The following OR2L13 variants were observed in gnomAD, a reference collection of about 807,000 sequenced individuals.
OR2L13 encodes olfactory receptor 2L13.
OR2L13 carries 14 observed loss-of-function variants against 15.3 expected under a neutral mutation model. That is an observed-to-expected ratio of 0.91 (90% CI 0.60 to 1.43). The LOEUF is 1.43. Ranked by LOEUF, OR2L13 falls within the 40% of genes most tolerant of loss-of-function variation. OR2L13 has a pLI of 0.00. For missense variants in OR2L13, 367 were observed against 387.9 expected (o/e 0.95, Z 0.45); for synonymous variants, 152 against 142.9 (o/e 1.06, Z -0.45).
At chr1:247,958,716 T>C in the OR2L13 span, among the ~76,000 whole-genome samples, 7 of 152,048 alleles carry the variant, frequency 4.6e-5, no homozygotes, top group African/African-American at 1.4e-4. Flanking sequence ...TTGTCTCTTT[T>C]GATCTTTGTT....
At chr1:248,082,675 C>A in the OR2L13 span, among the ~76,000 whole-genome samples, 3 of 152,072 alleles carry the variant, frequency 2.0e-5, no homozygotes, top group African/African-American at 7.2e-5. Context: ...ATAAAATAGT[C>A]TTCTTTTTTT....
At chr1:247,991,094 T>C in the OR2L13 span, 1 of 1,600,906 alleles carries the variant, frequency 6.2e-7, no homozygotes, top group Non-Finnish European at 8.6e-7. Flanking sequence ...CTGGCTGTCT[T>C]CTACACCATC....
At chr1:248,082,849 A>G in the OR2L13 span, among the ~76,000 whole-genome samples, 1 of 152,222 alleles carries the variant, frequency 6.6e-6, no homozygotes, top group Admixed American at 6.5e-5. Flanking sequence ...AACATTCAGC[A>G]TGATTATGCA....
the OR2L13 span, among the ~76,000 whole-genome samples, chr1:247,982,046 A>G: frequency 0.011 from 1,598 of 152,180 alleles, 38 homozygotes; most frequent in African/African-American, 0.035. Flanking sequence ...CAATCTCCTG[A>G]CCTCGTGATC....
chr1:248,025,963 G>C, the OR2L13 span, among the ~76,000 whole-genome samples: 1 of 141,670 alleles, frequency 7.1e-6, no homozygotes, highest in Non-Finnish European at 1.5e-5. Flanking sequence ...GTGGGGGGAG[G>C]GGGGAAGGAT....
the OR2L13 span, among the ~76,000 whole-genome samples, chr1:248,001,935 T>C: frequency 1.3e-5 from 2 of 152,196 alleles, no homozygotes; most frequent in African/African-American, 4.8e-5. Context: ...ATACAAATGA[T>C]AGAAATGTTT....
the OR2L13 span, among the ~76,000 whole-genome samples, chr1:247,951,232 C>T: frequency 6.6e-6 from 1 of 152,016 alleles, no homozygotes; most frequent in African/African-American, 2.4e-5. Context: ...ATGCTTCCAG[C>T]TTTGCTCTTT....
the OR2L13 span, among the ~76,000 whole-genome samples, chr1:248,011,178 C>G: frequency 6.6e-6 from 1 of 152,076 alleles, no homozygotes; most frequent in Non-Finnish European, 1.5e-5. Flanking sequence ...ATTTGCTTGT[C>G]TGTAAAGGAT....
At chr1:247,959,081 C>T in the OR2L13 span, among the ~76,000 whole-genome samples, 11 of 152,204 alleles carry the variant, frequency 7.2e-5, no homozygotes, top group South Asian at 4.2e-4. Flanking sequence ...TGGCTGGTAC[C>T]GGTTGTTCCT....
the OR2L13 span, among the ~76,000 whole-genome samples, chr1:248,031,981 A>T: frequency 6.6e-6 from 1 of 152,162 alleles, no homozygotes; most frequent in Non-Finnish European, 1.5e-5. Flanking sequence ...CCTATATAAA[A>T]TACAAATAAT....
chr1:248,044,445 CCACT>C, the OR2L13 span, among the ~76,000 whole-genome samples: 1 of 152,158 alleles, frequency 6.6e-6, no homozygotes, highest in East Asian at 1.9e-4. Context: ...CATGACGTCA[CCACT>C]CACTCTCCAC....
At chr1:247,950,730 A>T in the OR2L13 span, among the ~76,000 whole-genome samples, 1 of 152,204 alleles carries the variant, frequency 6.6e-6, no homozygotes, top group East Asian at 1.9e-4. Context: ...TAGATAATAG[A>T]CTGGTGGTCA....
chr1:248,092,565 T>C (rs776969788), upstream of OR2L13, among the ~76,000 whole-genome samples: 1 of 152,180 alleles, frequency 6.6e-6, no homozygotes, highest in Non-Finnish European at 1.5e-5. Flanking sequence ...TACACACTCA[T>C]CAAAGTACAC....
chr1:247,987,547 A>G, the OR2L13 span, among the ~76,000 whole-genome samples: 93 of 152,276 alleles, frequency 6.1e-4, 2 homozygotes, highest in East Asian at 0.017. Flanking sequence ...GTTTTATTCA[A>G]GTAATGCATA....
the OR2L13 span, among the ~76,000 whole-genome samples, chr1:247,967,521 G>A: frequency 3.5e-3 from 529 of 152,134 alleles, 7 homozygotes; most frequent in African/African-American, 0.012. Context: ...GAGCCACTGC[G>A]CCCAGCCTCA....
chr1:248,075,667 G>T, the OR2L13 span, among the ~76,000 whole-genome samples: 4 of 152,162 alleles, frequency 2.6e-5, 1 homozygote, highest in South Asian at 8.3e-4. Context: ...AGAAGTGTCT[G>T]TTCATATCCT....
chr1:248,023,028 T>G, the OR2L13 span: 10 of 758,658 alleles, frequency 1.3e-5, no homozygotes, highest in African/African-American at 1.4e-4. Context: ...AGTCTTGACA[T>G]TATAGTTGCA....
At chr1:247,975,243 C>T in the OR2L13 span, 8 of 415,810 alleles carry the variant, frequency 1.9e-5, no homozygotes, top group South Asian at 1.6e-4. Context: ...CCCTGTTGCT[C>T]AGCCAGGGCT....
At chr1:248,067,379 T>C in the OR2L13 span, among the ~76,000 whole-genome samples, 1 of 152,208 alleles carries the variant, frequency 6.6e-6, no homozygotes, top group East Asian at 1.9e-4. Context: ...TAATTGTTCC[T>C]AGATAGTTGC....
Sources: allele counts gnomAD v4.1 joint callset (sites outside exome capture counted in the v4.1 genomes callset), GRCh38; gene constraint gnomAD v4.1.1; transcripts MANE v1.5; gene names NCBI Gene and HGNC (gene_info 2026-07-23, HGNC 2026-07-21).